Variants in FHIT observed in about 807,000 individuals in gnomAD.
The protein encoded by FHIT is fragile histidine triad diadenosine triphosphatase, also known as bis(5'-adenosyl)-triphosphatase.
Under a neutral mutation model 17.9 loss-of-function variants are expected in FHIT, and 19 were observed. The ratio of observed to expected loss-of-function variants is 1.06; its 90% CI spans 0.74 to 1.56. The LOEUF is 1.56. Among genes scored for constraint, FHIT ranks in the 40% most tolerant of loss-of-function variants. FHIT has a pLI of 0.00. For synonymous variants in FHIT, 81 were observed against 69.7 expected (o/e 1.16, Z -0.81); for missense variants, 248 against 189.2 (o/e 1.31, Z -1.82).
At chr3:61,173,173 T>C (rs1317887433) in intron 2 of FHIT, among the ~76,000 whole-genome samples, 1 of 152,188 alleles carries the variant, frequency 6.6e-6, no homozygotes, top group Non-Finnish European at 1.5e-5. Context: ...CATGTGCAGC[T>C]AGATGTAACC....
intron 3 of FHIT, among the ~76,000 whole-genome samples, chr3:60,833,037 C>A (rs1702388542): frequency 6.6e-6 from 1 of 152,186 alleles, no homozygotes; most frequent in South Asian, 2.1e-4. Flanking sequence ...TTATAGGTCT[C>A]TTTCCTTGGG....
chr3:61,023,527 T>C (rs997693259), intron 3 of FHIT, among the ~76,000 whole-genome samples: 9 of 152,150 alleles, frequency 5.9e-5, no homozygotes, highest in Admixed American at 2.0e-4. Flanking sequence ...AGAGCTCATA[T>C]AGTCAAGATA....
At chr3:59,938,266 G>T (rs2107257368) in intron 7 of FHIT, among the ~76,000 whole-genome samples, 1 of 152,260 alleles carries the variant, frequency 6.6e-6, no homozygotes, top group Non-Finnish European at 1.5e-5. Flanking sequence ...GATGAACCTG[G>T]AAGACATACA....
intron 5 of FHIT, among the ~76,000 whole-genome samples, chr3:60,530,473 T>C (rs552000452): frequency 4.6e-5 from 7 of 152,068 alleles, no homozygotes; most frequent in Non-Finnish European, 8.8e-5. Context: ...CTTCCAACAA[T>C]CCATTGTTCT....
At chr3:60,585,281 C>A (rs1334108638) in intron 4 of FHIT, among the ~76,000 whole-genome samples, 1 of 151,898 alleles carries the variant, frequency 6.6e-6, no homozygotes, top group Non-Finnish European at 1.5e-5. Flanking sequence ...CACATTCATG[C>A]GTAATCAGAG....
intron 5 of FHIT, among the ~76,000 whole-genome samples, chr3:60,381,120 C>G (rs1259816595): frequency 6.6e-6 from 1 of 152,074 alleles, no homozygotes; most frequent in Admixed American, 6.6e-5. Flanking sequence ...ATATTGTATT[C>G]CCGCGATTAG....
chr3:60,095,693 G>C (rs1026196913), intron 5 of FHIT, among the ~76,000 whole-genome samples: 1 of 152,174 alleles, frequency 6.6e-6, no homozygotes, highest in African/African-American at 2.4e-5. Flanking sequence ...CGGCCTCATT[G>C]TAAGTTAAAG....
chr3:60,676,988 C>T (rs1181865170), intron 4 of FHIT, among the ~76,000 whole-genome samples: 3 of 152,158 alleles, frequency 2.0e-5, no homozygotes, highest in African/African-American at 7.2e-5. Context: ...GATCCTCTCA[C>T]CTGAGCCTCC....
intron 4 of FHIT, among the ~76,000 whole-genome samples, chr3:60,620,193 T>C (rs531359388): frequency 1.3e-5 from 2 of 152,310 alleles, no homozygotes; most frequent in South Asian, 4.1e-4. Context: ...TCACATTCAC[T>C]GTGGATGGGA....
intron 8 of FHIT, among the ~76,000 whole-genome samples, chr3:59,855,402 T>C (rs1416646134): frequency 6.6e-6 from 1 of 152,198 alleles, no homozygotes; most frequent in Non-Finnish European, 1.5e-5. Context: ...GCATGTATAA[T>C]TGGTCCTAAC....
chr3:60,168,187 A>G (rs34330024), intron 5 of FHIT, among the ~76,000 whole-genome samples: 27,759 of 152,158 alleles, frequency 0.18, 2,680 homozygotes, highest in South Asian at 0.32. Flanking sequence ...TAAACACTTG[A>G]AAGAATTGCC....
chr3:61,239,950 G>A (rs2040334780), intron 1 of FHIT, among the ~76,000 whole-genome samples: 1 of 151,970 alleles, frequency 6.6e-6, no homozygotes, highest in African/African-American at 2.4e-5. Flanking sequence ...CCTCACCAGG[G>A]CCCTTGCATA....
At chr3:60,058,225 A>G (rs141521469) in intron 5 of FHIT, among the ~76,000 whole-genome samples, 2,436 of 140,942 alleles carry the variant, frequency 0.017, 77 homozygotes, top group African/African-American at 0.062. Flanking sequence ...GCTCACTGCA[A>G]TCTCCGCCTC....
chr3:60,666,125 G>T (rs2040377561), intron 4 of FHIT, among the ~76,000 whole-genome samples: 1 of 152,060 alleles, frequency 6.6e-6, no homozygotes, highest in African/African-American at 2.4e-5. Context: ...CATCAAACAT[G>T]ATTTATAAAA....
intron 3 of FHIT, among the ~76,000 whole-genome samples, chr3:60,979,756 CCT>C (rs1279834104): frequency 6.6e-6 from 1 of 152,190 alleles, no homozygotes; most frequent in African/African-American, 2.4e-5. Flanking sequence ...GCCATCACCC[CCT>C]CTGTCCCAGG....
At chr3:59,780,149 G>C (rs1702511648) in intron 8 of FHIT, among the ~76,000 whole-genome samples, 1 of 152,140 alleles carries the variant, frequency 6.6e-6, no homozygotes, top group African/African-American at 2.4e-5. Flanking sequence ...AGGGATTTTT[G>C]GTCAATCTTT....
intron 3 of FHIT, among the ~76,000 whole-genome samples, chr3:60,877,123 G>A (rs1270804553): frequency 6.6e-6 from 1 of 152,148 alleles, no homozygotes; most frequent in East Asian, 1.9e-4. Context: ...ACTCACCTCA[G>A]AGAAGGAACT....
chr3:59,932,323 A>G (rs1055472322), intron 7 of FHIT, among the ~76,000 whole-genome samples: 1 of 152,236 alleles, frequency 6.6e-6, no homozygotes, highest in Admixed American at 6.5e-5. Context: ...GAGATTCAGA[A>G]CAAAAAGAAC....
intron 8 of FHIT, among the ~76,000 whole-genome samples, chr3:59,752,613 G>A (rs755933078): frequency 1.4e-4 from 21 of 152,116 alleles, no homozygotes; most frequent in Non-Finnish European, 2.8e-4. Context: ...AATCCCCAGT[G>A]TCAGAGGTGG....
Sources: gnomAD v4.1 joint callset for allele counts (sites outside exome capture counted in the v4.1 genomes callset) on GRCh38, gnomAD v4.1.1 for gene constraint, MANE v1.5 for transcripts, NCBI Gene and HGNC (gene_info 2026-07-23, HGNC 2026-07-21) for gene names.